PWWP3B: variants seen among roughly 807,000 people sequenced by gnomAD.
The protein encoded by PWWP3B is PWWP domain containing 3B.
A neutral mutation model predicts 15.7 loss-of-function variants in PWWP3B; 5 were observed. The observed-to-expected ratio is 0.32, with a 90% CI of 0.17 to 0.67. PWWP3B has a LOEUF of 0.67. Ranked by LOEUF, PWWP3B falls within the 30% of genes least tolerant of loss-of-function variation. The probability of loss-of-function intolerance (pLI) is 0.74; values close to 1 mark genes in which losing one functional copy is unlikely to be tolerated. For synonymous variants in PWWP3B, 203 were observed against 179.8 expected (o/e 1.13, Z -1.03); for missense variants, 519 against 493.1 (o/e 1.05, Z -0.50).
chrX:106,202,555 G>T (rs190965783), intron 2 of PWWP3B, among the ~76,000 whole-genome samples: 2 of 111,616 alleles, frequency 1.8e-5, no homozygotes, highest in African/African-American at 6.5e-5. Context: ...CATAGTTGCC[G>T]TGTCAACTAC....
In PWWP3B at chrX:106,168,351, G is replaced by C. The variant is rs1921440615; in HGVS notation, c.-603G>C. On this transcript the variant is annotated 5_prime_UTR_variant, in exon 1 of 4. Transcript: ENST00000357175. ...TTACACACAGGCTTCGGAGGCTTCC[G>C]TGGAGAAGCTTGGAGGTAATGGCTG... 1 of 111,892 alleles carries C rather than the reference G, an allele frequency of 8.9e-6. No homozygotes were observed. Among genetic ancestry groups the C allele is most frequent in the Non-Finnish European group, 1.9e-5 (1 of 53,212 alleles). The allele number at this position is 111,892 out of a possible 1,213,427, so 9.2% of individuals were successfully genotyped here.
In PWWP3B at chrX:106,207,903, G is replaced by A. The variant is rs182967980; in HGVS notation, c.*380G>A. On this transcript the variant is annotated 3_prime_UTR_variant, in exon 4 of 4. Coordinates refer to ENST00000357175, the MANE Select transcript of PWWP3B (RefSeq NM_001171020.2). The stretch of plus-strand genomic sequence containing the variant: ...TGCACTGGTGTTAGATATTAACGAA[G>A]ATGATTGGAAAAAAGTCTGAAAGAT... 2.8e-4 allele frequency: 37 copies of A among 131,606 alleles called. No individual in the cohort carries two copies. The East Asian group carries it at 9.0e-3, about 32-fold the overall frequency. The allele number at this position is 131,606 out of a possible 1,213,427, so 10.8% of individuals were successfully genotyped here.
chrX:106,200,907 G>A (rs914048055), intron 2 of PWWP3B, among the ~76,000 whole-genome samples: 1 of 109,736 alleles, frequency 9.1e-6, no homozygotes, highest in Non-Finnish European at 1.9e-5. Flanking sequence ...AATTAGCCAG[G>A]CATGGTGGCG....
intron 2 of PWWP3B, among the ~76,000 whole-genome samples, chrX:106,179,759 G>A (rs992218532): frequency 8.9e-6 from 1 of 111,919 alleles, no homozygotes; most frequent in Non-Finnish European, 1.9e-5. Flanking sequence ...AGCATTTCAT[G>A]GTAAAAACAT....
At chrX:106,193,376 G>C (rs1448058278) in intron 2 of PWWP3B, among the ~76,000 whole-genome samples, 2 of 110,440 alleles carry the variant, frequency 1.8e-5, no homozygotes, top group East Asian at 5.7e-4. Flanking sequence ...GCCTTTTTTT[G>C]TTTTCCATTT....
intron 2 of PWWP3B, among the ~76,000 whole-genome samples, chrX:106,188,228 G>C (rs999452384): frequency 1.8e-5 from 2 of 110,672 alleles, no homozygotes; most frequent in Non-Finnish European, 3.8e-5. Flanking sequence ...TGCATCAAAA[G>C]TCACGTGTTG....
At chrX:106,197,948 C>T (rs1410540594) in intron 2 of PWWP3B, among the ~76,000 whole-genome samples, 1 of 111,513 alleles carries the variant, frequency 9.0e-6, no homozygotes, top group Non-Finnish European at 1.9e-5. Context: ...AAAAAATATA[C>T]GTATGGGTCT....
intron 2 of PWWP3B, among the ~76,000 whole-genome samples, chrX:106,201,268 G>T (rs1923691079): frequency 9.0e-6 from 1 of 111,031 alleles, no homozygotes; most frequent in Non-Finnish European, 1.9e-5. Context: ...GAAACAGAAA[G>T]AAAAACAAAA....
chrX:106,182,341 C>G (rs143942048), intron 2 of PWWP3B, among the ~76,000 whole-genome samples: 9 of 111,205 alleles, frequency 8.1e-5, no homozygotes, highest in African/African-American at 2.9e-4. Flanking sequence ...TCTGTACTGA[C>G]GGACTTGAGC....
chrX:106,173,604 G>T (rs2147582030), intron 2 of PWWP3B, among the ~76,000 whole-genome samples: 1 of 111,516 alleles, frequency 9.0e-6, no homozygotes, highest in Admixed American at 9.5e-5. Context: ...CTTTGTGAAG[G>T]TTCAGGGGGA....
chrX:106,203,350 C>A (rs1394644317), intron 2 of PWWP3B, among the ~76,000 whole-genome samples: 1 of 111,435 alleles, frequency 9.0e-6, no homozygotes, highest in Non-Finnish European at 1.9e-5. Flanking sequence ...CACAACAAAA[C>A]CTTTAAATTT....
At position 106,205,965 on chromosome X, in the gene PWWP3B, T is replaced by C; in HGVS notation, c.533T>C (p.Ile178Thr). The change falls in exon 4 of 4, where the codon ATT becomes ACT. Residue 178 changes from isoleucine (I) to threonine (T), a missense_variant. Transcript: ENST00000357175. ...CAAGCACCCACAATGGTCGATACTA[T>C]TCCAAGTGAAGTGGAAACAAAGTCA... The part of the protein sequence containing the change: ...KSQAPTMVDT[I>T]PSEVETKSLQ... 8.3e-6 allele frequency: 10 copies of C among 1,210,397 alleles called. No individual in the cohort carries two copies. Among genetic ancestry groups the C allele is most frequent in the Non-Finnish European group, 1.1e-5 (10 of 894,734 alleles).
intron 2 of PWWP3B, among the ~76,000 whole-genome samples, chrX:106,188,729 T>A (rs1212470685): frequency 8.9e-6 from 1 of 112,661 alleles, no homozygotes; most frequent in African/African-American, 3.2e-5. Flanking sequence ...CTATAGTTTT[T>A]CATTTTCCAG....
At chrX:106,175,386 G>A (rs943749374) in intron 2 of PWWP3B, among the ~76,000 whole-genome samples, 2 of 107,413 alleles carry the variant, frequency 1.9e-5, no homozygotes, top group Non-Finnish European at 3.8e-5. Flanking sequence ...GACTACAGGC[G>A]CCAGCCACCG....
rs898373772 is a variant in PWWP3B, at chrX:106,205,482, C to T, written c.50C>T (p.Ala17Val). 1.1e-5 allele frequency: 13 copies of T among 1,193,475 alleles called. No individual in the cohort carries two copies. Among genetic ancestry groups the T allele is most frequent in the Non-Finnish European group, 1.5e-5 (13 of 886,634 alleles). ...AACTGGAAAGACCAGTTGTGGCCAG[C>T]AAAAGTTTTGTCCAGATCTGAAACT... ...LCNWKDQLWP[A>V]KVLSRSETSS... The change falls in exon 4 of 4, where the codon GCA becomes GTA. Residue 17 changes from alanine (A) to valine (V), a missense_variant. Coordinates refer to ENST00000357175, the MANE Select transcript of PWWP3B (RefSeq NM_001171020.2).
intron 2 of PWWP3B, among the ~76,000 whole-genome samples, chrX:106,182,004 G>A (rs1922238158): frequency 8.9e-6 from 1 of 111,895 alleles, no homozygotes; most frequent in Non-Finnish European, 1.9e-5. Context: ...TCTGATTTCA[G>A]AAGCCTTTTC....
chrX:106,198,049 G>C (rs1239847460), intron 2 of PWWP3B, among the ~76,000 whole-genome samples: 1 of 111,641 alleles, frequency 9.0e-6, no homozygotes, highest in African/African-American at 3.3e-5. Context: ...TTATATAATG[G>C]TTATTACTAC....
chrX:106,206,056 C>G lies in PWWP3B; in HGVS notation c.624C>G (p.Asn208Lys). The G allele has an allele frequency of 3.3e-6, 4 of 1,210,207 alleles. No individual in the cohort carries two copies. The highest frequency in any genetic ancestry group is 4.5e-6 in the Non-Finnish European group (4 of 894,623). Residue 208 changes from asparagine (N) to lysine (K), a missense_variant, in exon 4 of 4, where the codon AAC (asparagine) becomes AAG (lysine). Asn to Lys is a moderately conservative substitution (Grantham distance 94, BLOSUM62 0). Transcript: ENST00000357175. Reference protein sequence around the residue: ...SLSEDNDEKENKNKIDISAVM... With the variant: ...SLSEDNDEKEKKNKIDISAVM... ...CGGAAGATAATGATGAAAAAGAGAA[C>G]AAGAATAAGATTGATATCTCAGCAG...
intron 2 of PWWP3B, among the ~76,000 whole-genome samples, chrX:106,182,427 G>T (rs919264773): frequency 9.0e-6 from 1 of 111,361 alleles, no homozygotes; most frequent in Admixed American, 9.6e-5. Context: ...AAGTGCAGGT[G>T]CCTGTCCAGT....
Sources: gnomAD v4.1 joint callset for allele counts (sites outside exome capture counted in the v4.1 genomes callset) on GRCh38, gnomAD v4.1.1 for gene constraint, MANE v1.5 for transcripts, NCBI Gene and HGNC (gene_info 2026-07-23, HGNC 2026-07-21) for gene names.